Variants in FAM168A observed in about 807,000 individuals in gnomAD.
FAM168A encodes family with sequence similarity 168 member A, also known as protein FAM168A.
Under a neutral mutation model 28.5 loss-of-function variants are expected in FAM168A, and 3 were observed. That is an observed-to-expected ratio of 0.11 (90% CI 0.05 to 0.27). The LOEUF is 0.27. Among genes scored for constraint, FAM168A ranks in the 10% least tolerant of loss-of-function variants. The pLI, the probability that FAM168A is intolerant of heterozygous loss-of-function variation, is 1.00. For missense variants in FAM168A, 222 were observed against 311.5 expected, an observed-to-expected ratio of 0.71 and a Z score of 2.16; for synonymous variants, 122 against 124.2, an observed-to-expected ratio of 0.98 and a Z score of 0.12.
chr11:73,464,200 A>C (rs991285368), intron 2 of FAM168A, among the ~76,000 whole-genome samples: 15 of 151,886 alleles, frequency 9.9e-5, no homozygotes, highest in Admixed American at 2.6e-4. Flanking sequence ...AAAAAAAAAA[A>C]ACACATACGA....
At position 73,403,228 on chromosome 11, in the gene FAM168A, G is replaced by A. The variant is rs1356254761; in HGVS notation, c.*3535C>T. 6.6e-6 allele frequency: 1 copy of A among 152,192 alleles called. No homozygotes were observed. The highest frequency in any genetic ancestry group is 1.5e-5 in the Non-Finnish European group (1 of 68,034). 9.4% of individuals were successfully genotyped at this position (152,192 alleles called of 1,614,324 possible). On this transcript the variant is annotated 3_prime_UTR_variant, in exon 8 of 8. Transcript: ENST00000356467. ...AGCAACTGTCCTATCTCATGAGGAA[G>A]AAATTAAATATGCATTTTTTTTCAA... is the stretch of plus-strand genomic sequence containing the variant.
At chr11:73,556,996 T>C (rs887055512) in intron 1 of FAM168A, among the ~76,000 whole-genome samples, 1 of 150,778 alleles carries the variant, frequency 6.6e-6, no homozygotes, top group Non-Finnish European at 1.5e-5. Context: ...ACCACTGCAC[T>C]CCAGTCTGGG....
chr11:73,503,932 G>A (rs77236216), intron 1 of FAM168A, among the ~76,000 whole-genome samples: 14,162 of 152,204 alleles, frequency 0.093, 682 homozygotes, highest in Admixed American at 0.12. Flanking sequence ...AAATGGTGCC[G>A]GGAAAACTGG....
At chr11:73,408,810 T>C (rs1866555170) in intron 6 of FAM168A, among the ~76,000 whole-genome samples, 1 of 151,540 alleles carries the variant, frequency 6.6e-6, no homozygotes, top group Non-Finnish European at 1.5e-5. Context: ...CTAACAGTCC[T>C]TGGGGACTTC....
chr11:73,559,349 GT>G (rs1370961510), intron 1 of FAM168A, among the ~76,000 whole-genome samples: 1 of 152,106 alleles, frequency 6.6e-6, no homozygotes, highest in African/African-American at 2.4e-5. Context: ...GGAGGATGCA[GT>G]GAGCCGAGAT....
At chr11:73,547,362 C>T (rs967872181) in intron 1 of FAM168A, among the ~76,000 whole-genome samples, 2 of 151,408 alleles carry the variant, frequency 1.3e-5, no homozygotes, top group Non-Finnish European at 2.9e-5. Flanking sequence ...AAATAAGAAG[C>T]GTTGAGGATA....
intron 2 of FAM168A, among the ~76,000 whole-genome samples, chr11:73,453,725 G>A (rs1867474291): frequency 6.6e-6 from 1 of 152,150 alleles, no homozygotes; most frequent in South Asian, 2.1e-4. Context: ...TCAGACTCGG[G>A]TCTTCAGACT....
intron 4 of FAM168A, among the ~76,000 whole-genome samples, chr11:73,416,472 A>G (rs995576200): frequency 3.9e-5 from 6 of 152,196 alleles, no homozygotes; most frequent in African/African-American, 1.4e-4. Flanking sequence ...TTGGTAGCCA[A>G]GTGAGACAGT....
intron 1 of FAM168A, among the ~76,000 whole-genome samples, chr11:73,529,986 C>T (rs1185245557): frequency 6.6e-6 from 1 of 151,882 alleles, no homozygotes; most frequent in Non-Finnish European, 1.5e-5. Flanking sequence ...AGGGTTTCAC[C>T]ATGTTTGTCA....
chr11:73,439,310 G>C (rs1867150791), intron 2 of FAM168A, among the ~76,000 whole-genome samples: 2 of 152,160 alleles, frequency 1.3e-5, no homozygotes, highest in Non-Finnish European at 2.9e-5. Flanking sequence ...AACAAGACAG[G>C]AGGAAATATC....
chr11:73,508,778 A>G (rs1180995392), intron 1 of FAM168A, among the ~76,000 whole-genome samples: 4 of 152,216 alleles, frequency 2.6e-5, no homozygotes, highest in Non-Finnish European at 4.4e-5. Flanking sequence ...AGCAGAGGAC[A>G]TAAGACAACC....
At chr11:73,589,287 A>G (rs1944353091) in intron 1 of FAM168A, among the ~76,000 whole-genome samples, 1 of 152,212 alleles carries the variant, frequency 6.6e-6, no homozygotes, top group African/African-American at 2.4e-5. Flanking sequence ...AGAAAAAAAC[A>G]GACCAATGGA....
intron 1 of FAM168A, among the ~76,000 whole-genome samples, chr11:73,546,964 A>G (rs1943762471): frequency 6.6e-6 from 1 of 152,040 alleles, no homozygotes; most frequent in African/African-American, 2.4e-5. Context: ...AAATGTGCAA[A>G]GAACTTGAAT....
At chr11:73,571,234 TCCCCCCCCC>T (rs375850220) in intron 1 of FAM168A, among the ~76,000 whole-genome samples, 6 of 49,518 alleles carry the variant, frequency 1.2e-4, no homozygotes, top group African/African-American at 3.4e-4. Flanking sequence ...CCCCTCCCCC[TCCCCCCCCC>T]CTCCCCACAG....
At chr11:73,475,208 T>A (rs370848414) in intron 1 of FAM168A, among the ~76,000 whole-genome samples, 3 of 152,276 alleles carry the variant, frequency 2.0e-5, no homozygotes, top group African/African-American at 7.2e-5. Context: ...TTAAACTTAG[T>A]GTTTTAGTTT....
chr11:73,522,382 C>T (rs950582543), intron 1 of FAM168A, among the ~76,000 whole-genome samples: 9 of 151,952 alleles, frequency 5.9e-5, no homozygotes, highest in Admixed American at 1.3e-4. Context: ...TGCAGTGGTG[C>T]GATCTCGGCT....
chr11:73,462,818 C>T (rs889436662), intron 2 of FAM168A, among the ~76,000 whole-genome samples: 2 of 149,906 alleles, frequency 1.3e-5, no homozygotes, highest in African/African-American at 2.5e-5. Context: ...GAGCCAAGAT[C>T]GCACCACTGC....
At chr11:73,593,024 G>A (rs981638657) in intron 1 of FAM168A, among the ~76,000 whole-genome samples, 7 of 152,046 alleles carry the variant, frequency 4.6e-5, no homozygotes, top group African/African-American at 1.7e-4. Flanking sequence ...ATAAGAATAA[G>A]AATAAAGCAA....
intron 1 of FAM168A, among the ~76,000 whole-genome samples, chr11:73,594,989 G>A (rs74837261): frequency 6.6e-6 from 1 of 152,008 alleles, no homozygotes; most frequent in Non-Finnish European, 1.5e-5. Flanking sequence ...CCAAGATATC[G>A]GGAGGATCAA....
Sources: allele counts gnomAD v4.1 joint callset (sites outside exome capture counted in the v4.1 genomes callset), GRCh38; gene constraint gnomAD v4.1.1; transcripts MANE v1.5; gene names NCBI Gene and HGNC (gene_info 2026-07-23, HGNC 2026-07-21).